The following NYAP2 variants were observed in gnomAD, a reference collection of about 807,000 sequenced individuals.
NYAP2 encodes the protein neuronal tyrosine-phosphorylated phosphoinositide-3-kinase adaptor 2, also known as neuronal tyrosine-phosphorylated phosphoinositide-3-kinase adapter 2.
NYAP2 carries 23 observed loss-of-function variants against 50.4 expected under a neutral mutation model. The ratio of observed to expected loss-of-function variants is 0.46; its 90% CI spans 0.33 to 0.65. NYAP2 has a LOEUF of 0.65. Among genes scored for constraint, NYAP2 ranks in the 30% least tolerant of loss-of-function variants. NYAP2 has a pLI of 0.02. For synonymous variants in NYAP2, 394 were observed against 365.2 expected, an observed-to-expected ratio of 1.08 and a Z score of -0.90; for missense variants, 885 against 861.0, an observed-to-expected ratio of 1.03 and a Z score of -0.35.
At chr2:225,614,952 G>A (rs905304484) in intron 5 of NYAP2, among the ~76,000 whole-genome samples, 4 of 152,104 alleles carry the variant, frequency 2.6e-5, no homozygotes, top group Admixed American at 2.0e-4. Flanking sequence ...AGTGAAAGAT[G>A]GGCTACTCTT....
chr2:225,563,461 G>A (rs1691909671), intron 4 of NYAP2, among the ~76,000 whole-genome samples: 1 of 152,092 alleles, frequency 6.6e-6, no homozygotes, highest in Admixed American at 6.6e-5. Flanking sequence ...TATCAAAGGG[G>A]TGAGCATTGT....
At chr2:225,409,232 A>G (rs529810816) in intron 3 of NYAP2, 131 bp downstream of exon 3, 7 of 633,890 alleles carry the variant, frequency 1.1e-5, no homozygotes, top group African/African-American at 9.2e-5. Flanking sequence ...GAGCATATGA[A>G]AGCGACCCCT....
the NYAP2 span, among the ~76,000 whole-genome samples, chr2:225,672,689 C>G: frequency 6.6e-6 from 1 of 152,050 alleles, no homozygotes; most frequent in South Asian, 2.1e-4. Flanking sequence ...CCTTTTGATT[C>G]AAAGCGAGTA....
At chr2:225,450,647 C>T (rs1396155726) in intron 3 of NYAP2, among the ~76,000 whole-genome samples, 1 of 152,164 alleles carries the variant, frequency 6.6e-6, no homozygotes, top group Non-Finnish European at 1.5e-5. Context: ...ATTTTTATGA[C>T]CAGTGAATTT....
rs192474780 is a variant in NYAP2, at chr2:225,424,744, T to A, written c.221+15643T>A. On this transcript the variant is annotated intron_variant, in intron 3 of 6. Coordinates refer to ENST00000636099, the Ensembl canonical transcript of NYAP2. ...CTCTCATTGACTTAGTTCTCATAAATCTAAAGCAATATGTGGATATAAATT... is the reference window on the plus strand; with the variant it reads ...CTCTCATTGACTTAGTTCTCATAAAACTAAAGCAATATGTGGATATAAATT... Among the ~76,000 whole-genome samples the A allele has an allele frequency of 1.8e-3, 277 of 152,178 alleles. 2 individuals are homozygous for A. Among genetic ancestry groups the A allele is most frequent in the Non-Finnish European group, 7.4e-5 (5 of 67,986 alleles).
rs138923639 is a variant in NYAP2, at chr2:225,592,903, A to G, written c.1618+9868A>G. 1.2e-4 allele frequency among the ~76,000 whole-genome samples: 18 copies of G among 152,340 alleles called. No homozygotes were observed. In the East Asian group the frequency reaches 3.5e-3, roughly 29 times the overall value. ...GAAGAACCCTACCTGCTTTAGATGTATAAAATGCAGAAACATTTTCAATTC... is the reference window on the plus strand; with the variant it reads ...GAAGAACCCTACCTGCTTTAGATGTGTAAAATGCAGAAACATTTTCAATTC... On this transcript the variant is annotated intron_variant, in intron 5 of 6. Coordinates refer to ENST00000636099, the Ensembl canonical transcript of NYAP2.
rs537255532 is a variant in NYAP2, at chr2:225,426,273, C to G, written c.221+17172C>G. ...TTCTTCCTCGCTGTGTGATTACGGACAAATTACTCAGACTCACTGGGCTGC... is the reference window on the plus strand; with the variant it reads ...TTCTTCCTCGCTGTGTGATTACGGAGAAATTACTCAGACTCACTGGGCTGC... On this transcript the variant is annotated intron_variant, in intron 3 of 6. Coordinates refer to ENST00000636099, the Ensembl canonical transcript of NYAP2. 2.6e-5 allele frequency among the ~76,000 whole-genome samples: 4 copies of G among 152,148 alleles called. No individual in the cohort carries two copies. The South Asian group carries it at 8.3e-4, about 32-fold the overall frequency.
rs72974556 is a variant in NYAP2 at position 225,450,085 on chromosome 2, A to T, written c.221+40984A>T. Among the ~76,000 whole-genome samples the T allele has an allele frequency of 9.2e-3, 1,404 of 152,312 alleles. 10 individuals are homozygous for T. Among genetic ancestry groups the T allele is most frequent in the Non-Finnish European group, 0.014 (973 of 68,022 alleles). Reference sequence around the variant, plus strand: ...TGGTCTTGATCCTTACTGTAAGGACATATGGTTTATTTAGAAAACAGATGC... The same window carrying T: ...TGGTCTTGATCCTTACTGTAAGGACTTATGGTTTATTTAGAAAACAGATGC... On this transcript the variant is annotated intron_variant, in intron 3 of 6. Coordinates refer to ENST00000636099, the Ensembl canonical transcript of NYAP2.
At chr2:225,567,748 G>A (rs1286545615) in intron 4 of NYAP2, among the ~76,000 whole-genome samples, 5 of 152,130 alleles carry the variant, frequency 3.3e-5, no homozygotes, top group African/African-American at 2.4e-5. Context: ...TCTCAGTAAA[G>A]TCTGAACATA....
chr2:225,543,821 G>T (rs993579416), intron 4 of NYAP2, among the ~76,000 whole-genome samples: 5 of 151,904 alleles, frequency 3.3e-5, no homozygotes, highest in Admixed American at 6.6e-5. Context: ...TTGACTTTCC[G>T]TCTGGGAGAT....
intron 4 of NYAP2, among the ~76,000 whole-genome samples, chr2:225,555,879 T>C (rs1691768590): frequency 6.6e-6 from 1 of 152,158 alleles, no homozygotes; most frequent in Non-Finnish European, 1.5e-5. Context: ...ACTTTGGGCA[T>C]TGAACATCTA....
chr2:225,411,418 G>C (rs972480051), intron 3 of NYAP2, among the ~76,000 whole-genome samples: 13 of 152,084 alleles, frequency 8.5e-5, no homozygotes, highest in African/African-American at 3.1e-4. Context: ...AACTGATGGG[G>C]GGGCAGGAGC....
At chr2:225,566,032 C>T (rs1691954445) in intron 4 of NYAP2, among the ~76,000 whole-genome samples, 1 of 152,128 alleles carries the variant, frequency 6.6e-6, no homozygotes, top group African/African-American at 2.4e-5. Flanking sequence ...GCCACTTGGA[C>T]AAGTAATTCA....
intron 4 of NYAP2, among the ~76,000 whole-genome samples, chr2:225,552,210 AT>A (rs1238976769): frequency 6.6e-6 from 1 of 152,102 alleles, no homozygotes; most frequent in Non-Finnish European, 1.5e-5. Flanking sequence ...AAACTTTTCT[AT>A]TTGCTTCCTC....
chr2:225,552,516 A>T (rs1263047630), intron 4 of NYAP2, among the ~76,000 whole-genome samples: 1 of 152,076 alleles, frequency 6.6e-6, no homozygotes, highest in African/African-American at 2.4e-5. Context: ...GCTCTCATAA[A>T]TCAGATTGGT....
At chr2:225,579,029 C>A (rs141034802) in intron 4 of NYAP2, among the ~76,000 whole-genome samples, 3 of 151,938 alleles carry the variant, frequency 2.0e-5, no homozygotes, top group African/African-American at 7.3e-5. Context: ...ACGGCATGCA[C>A]GTGCACGCAC....
chr2:225,541,864 G>A (rs939497383), intron 4 of NYAP2, among the ~76,000 whole-genome samples: 2 of 151,956 alleles, frequency 1.3e-5, no homozygotes, highest in African/African-American at 4.8e-5. Flanking sequence ...ATTGAATCTG[G>A]ATATTGCTTT....
chr2:225,595,497 A>G (rs540214512), intron 5 of NYAP2, among the ~76,000 whole-genome samples: 1 of 152,238 alleles, frequency 6.6e-6, no homozygotes, highest in Non-Finnish European at 1.5e-5. Context: ...CATTCTTTTG[A>G]CCATTAGTTA....
chr2:225,477,457 C>T (rs368639844), intron 3 of NYAP2, among the ~76,000 whole-genome samples: 11 of 151,810 alleles, frequency 7.2e-5, no homozygotes, highest in East Asian at 5.8e-4. Context: ...AGGATGGTCT[C>T]GATCTCCTGA....
Sources: allele counts gnomAD v4.1 joint callset (sites outside exome capture counted in the v4.1 genomes callset), GRCh38; gene constraint gnomAD v4.1.1; transcripts MANE v1.5; gene names NCBI Gene and HGNC (gene_info 2026-07-23, HGNC 2026-07-21).